Variants in ADGRB3 observed in about 807,000 individuals in gnomAD.
The protein encoded by ADGRB3 is brain-specific angiogenesis inhibitor 3.
ADGRB3 carries 37 observed loss-of-function variants against 193.4 expected under a neutral mutation model. The ratio of observed to expected loss-of-function variants is 0.19; its 90% CI spans 0.15 to 0.25. The LOEUF (loss-of-function observed/expected upper bound fraction) is 0.25, where lower values mean the gene tolerates loss of function less well. ADGRB3 is among the 10% of genes least tolerant of loss of function. The pLI is 1.00. For synonymous variants in ADGRB3, 690 were observed against 644.2 expected (o/e 1.07, Z -1.08); for missense variants, 1,637 against 1,852.9 (o/e 0.88, Z 2.14).
At chr6:68,962,423 G>C (rs567417019) in intron 8 of ADGRB3, among the ~76,000 whole-genome samples, 1 of 152,126 alleles carries the variant, frequency 6.6e-6, no homozygotes, top group Admixed American at 6.6e-5. Flanking sequence ...CAAACCTGTT[G>C]CTATGGAGAT....
intron 17 of ADGRB3, among the ~76,000 whole-genome samples, chr6:69,144,876 GTTCTTTC>G (rs1234786427): frequency 4.3e-5 from 6 of 139,336 alleles, no homozygotes; most frequent in African/African-American, 1.6e-4. Flanking sequence ...TTGTTTGAGT[GTTCTTTC>G]TTTCTTTCTT....
intron 13 of ADGRB3, among the ~76,000 whole-genome samples, chr6:69,041,729 C>T (rs1377261398): frequency 1.3e-5 from 2 of 152,162 alleles, no homozygotes; most frequent in African/African-American, 4.8e-5. Flanking sequence ...CTCAGCCTCC[C>T]TAGTAGGCTG....
intron 20 of ADGRB3, among the ~76,000 whole-genome samples, chr6:69,319,510 T>C (rs1292073595): frequency 6.6e-6 from 1 of 151,354 alleles, no homozygotes; most frequent in African/African-American, 2.4e-5. Context: ...TCCTCCATTT[T>C]TGGTTACTTT....
At chr6:68,877,533 C>T (rs896095709) in intron 3 of ADGRB3, among the ~76,000 whole-genome samples, 6 of 152,056 alleles carry the variant, frequency 3.9e-5, no homozygotes, top group African/African-American at 1.4e-4. Context: ...CACAGTTATA[C>T]TTTCATTGAA....
intron 3 of ADGRB3, among the ~76,000 whole-genome samples, chr6:68,750,446 A>C (rs1554187212): frequency 6.6e-6 from 1 of 152,224 alleles, no homozygotes; most frequent in Non-Finnish European, 1.5e-5. Flanking sequence ...GAAAAAAATG[A>C]ACCTATTAAT....
chr6:68,777,782 G>A (rs1008009574), intron 3 of ADGRB3, among the ~76,000 whole-genome samples: 2 of 151,758 alleles, frequency 1.3e-5, no homozygotes, highest in Non-Finnish European at 2.9e-5. Flanking sequence ...TCCCAACTGA[G>A]AAGAGATGAA....
intron 3 of ADGRB3, among the ~76,000 whole-genome samples, chr6:68,790,155 T>C (rs981159131): frequency 5.3e-5 from 8 of 152,182 alleles, no homozygotes; most frequent in African/African-American, 1.9e-4. Context: ...TCTCAACTTG[T>C]CAAAGTCATT....
intron 17 of ADGRB3, among the ~76,000 whole-genome samples, chr6:69,201,769 C>T (rs1199340093): frequency 6.6e-6 from 1 of 152,082 alleles, no homozygotes; most frequent in Non-Finnish European, 1.5e-5. Flanking sequence ...ACAGAATTTT[C>T]ATTATGACCC....
intron 18 of ADGRB3, among the ~76,000 whole-genome samples, chr6:69,234,310 GCATGTAATCTTTA>G (rs1188654016): frequency 6.6e-6 from 1 of 152,086 alleles, no homozygotes; most frequent in Non-Finnish European, 1.5e-5. Flanking sequence ...ATCAGTGAAT[GCATGTAATCTTTA>G]CATATGTTTT....
At chr6:69,047,251 T>A (rs1216495883) in intron 13 of ADGRB3, among the ~76,000 whole-genome samples, 2 of 152,120 alleles carry the variant, frequency 1.3e-5, no homozygotes, top group African/African-American at 4.8e-5. Flanking sequence ...CACTTGAAAA[T>A]ATGATATAGA....
intron 30 of ADGRB3, 65 bp downstream of exon 30, chr6:69,372,506 T>A: frequency 1.2e-6 from 1 of 823,632 alleles, no homozygotes; most frequent in African/African-American, 1.8e-5. Context: ...TATAGTTACT[T>A]AAAAATTATT....
intron 17 of ADGRB3, among the ~76,000 whole-genome samples, chr6:69,115,898 G>A (rs1204884634): frequency 1.3e-5 from 2 of 152,208 alleles, no homozygotes; most frequent in African/African-American, 2.4e-5. Context: ...CTAGGTAAAA[G>A]TGGGTGTATC....
At chr6:68,865,033 A>G (rs896688836) in intron 3 of ADGRB3, among the ~76,000 whole-genome samples, 5 of 152,134 alleles carry the variant, frequency 3.3e-5, no homozygotes, top group Admixed American at 6.5e-5. Flanking sequence ...CCTGCTTTCT[A>G]TACTGAAGGC....
intron 3 of ADGRB3, among the ~76,000 whole-genome samples, chr6:68,696,203 C>T (rs1765154620): frequency 1.3e-5 from 2 of 151,926 alleles, no homozygotes; most frequent in Non-Finnish European, 2.9e-5. Flanking sequence ...CTCATTTTCT[C>T]TTTAAGTAAA....
chr6:68,716,256 G>T (rs1196199436), intron 3 of ADGRB3, among the ~76,000 whole-genome samples: 1 of 151,520 alleles, frequency 6.6e-6, no homozygotes, highest in Non-Finnish European at 1.5e-5. Flanking sequence ...TAAAATATAG[G>T]GTAGGTGTTC....
At chr6:69,336,150 C>G (rs547764737) in intron 24 of ADGRB3, among the ~76,000 whole-genome samples, 1 of 151,820 alleles carries the variant, frequency 6.6e-6, no homozygotes, top group Non-Finnish European at 1.5e-5. Flanking sequence ...ATTTTATACT[C>G]AGGTATTAAG....
intron 8 of ADGRB3, among the ~76,000 whole-genome samples, chr6:68,967,800 G>A (rs1380918804): frequency 1.3e-5 from 2 of 152,082 alleles, no homozygotes; most frequent in African/African-American, 4.8e-5. Flanking sequence ...GGAAGGGGTG[G>A]GAGTGTTTGA....
intron 3 of ADGRB3, among the ~76,000 whole-genome samples, chr6:68,691,808 T>A (rs1406178643): frequency 6.6e-6 from 1 of 150,828 alleles, no homozygotes; most frequent in Non-Finnish European, 1.5e-5. Context: ...ACTCTACTTG[T>A]GAGTACTATC....
chr6:68,921,146 CAG>C (rs1317165283), intron 3 of ADGRB3, among the ~76,000 whole-genome samples: 4 of 151,892 alleles, frequency 2.6e-5, no homozygotes, highest in Non-Finnish European at 5.9e-5. Context: ...TAAAATAAGA[CAG>C]AAGAGAAATG....
Sources: gnomAD v4.1 joint callset for allele counts (sites outside exome capture counted in the v4.1 genomes callset) on GRCh38, gnomAD v4.1.1 for gene constraint, MANE v1.5 for transcripts, NCBI Gene and HGNC (gene_info 2026-07-23, HGNC 2026-07-21) for gene names.